GOT1: variants seen among roughly 807,000 people sequenced by gnomAD.
The protein encoded by GOT1 is glutamic-oxaloacetic transaminase 1.
GOT1 carries 25 observed loss-of-function variants against 48.2 expected under a neutral mutation model. That is an observed-to-expected ratio of 0.52 (90% CI 0.38 to 0.72). The LOEUF is 0.72. Among genes scored for constraint, GOT1 ranks in the 30% least tolerant of loss-of-function variants. The pLI is 0.00. For missense variants in GOT1, 380 were observed against 520.1 expected (o/e 0.73, Z 2.62); for synonymous variants, 188 against 193.8 (o/e 0.97, Z 0.25).
At chr10:99,418,059 A>ATAT (rs201912833) in intron 2 of GOT1, among the ~76,000 whole-genome samples, 10 of 145,128 alleles carry the variant, frequency 6.9e-5, no homozygotes, top group South Asian at 2.1e-4. Flanking sequence ...ATTAAAAAAA[A>ATAT]AAATATATAT....
At chr10:99,427,696 G>A (rs939328469) in intron 1 of GOT1, among the ~76,000 whole-genome samples, 1 of 152,194 alleles carries the variant, frequency 6.6e-6, no homozygotes, top group Non-Finnish European at 1.5e-5. Context: ...TGCTGGGCCT[G>A]TACCTAGGTC....
chr10:99,429,457 C>T (rs993457078), intron 1 of GOT1, among the ~76,000 whole-genome samples: 1 of 152,044 alleles, frequency 6.6e-6, no homozygotes, highest in African/African-American at 2.4e-5. Flanking sequence ...AATGATTCCA[C>T]CTTCTCTTTC....
At chr10:99,411,669 G>A (rs1300868691) in intron 2 of GOT1, among the ~76,000 whole-genome samples, 2 of 152,124 alleles carry the variant, frequency 1.3e-5, no homozygotes, top group Non-Finnish European at 2.9e-5. Context: ...TACATTTAGA[G>A]TCTGTTCCTC....
chr10:99,417,339 T>A (rs1235447297), intron 2 of GOT1, among the ~76,000 whole-genome samples: 1 of 152,190 alleles, frequency 6.6e-6, no homozygotes. Flanking sequence ...ATGCTCATCA[T>A]CACTGGCCAT....
intron 2 of GOT1, among the ~76,000 whole-genome samples, chr10:99,419,306 CTT>C (rs936766815): frequency 2.6e-5 from 4 of 152,180 alleles, no homozygotes; most frequent in African/African-American, 7.2e-5. Context: ...AATCTGAGCT[CTT>C]CTTTTTCCCA....
intron 2 of GOT1, among the ~76,000 whole-genome samples, chr10:99,413,950 T>C (rs1375873091): frequency 2.0e-5 from 3 of 152,048 alleles, no homozygotes; most frequent in Non-Finnish European, 4.4e-5. Flanking sequence ...GCACTAAATA[T>C]GGAAAGGAAC....
In GOT1 at chr10:99,408,907, C is replaced by A. The variant is rs141109949; in HGVS notation, c.301-2058G>T. Among the ~76,000 whole-genome samples, 166 of 152,030 alleles carry A rather than the reference C, an allele frequency of 1.1e-3. 1 individual carries two copies. The highest frequency in any genetic ancestry group is 4.6e-3 in the South Asian group (22 of 4,804). ...TCATAAAATTTTACAATTTCAAACA[C>A]CTATTTAGATGTCTGGGATTTACTA... is the stretch of plus-strand genomic sequence containing the variant. On this transcript the variant is annotated intron_variant, in intron 2 of 8. Transcript: ENST00000370508.
At chr10:99,418,745 T>G (rs1203158583) in intron 2 of GOT1, among the ~76,000 whole-genome samples, 2 of 152,164 alleles carry the variant, frequency 1.3e-5, no homozygotes, top group Admixed American at 1.3e-4. Flanking sequence ...TCAAGTAATC[T>G]GCCCACCTTG....
chr10:99,415,271 T>C (rs1259658959), intron 2 of GOT1, among the ~76,000 whole-genome samples: 1 of 151,976 alleles, frequency 6.6e-6, no homozygotes, highest in East Asian at 1.9e-4. Context: ...TCACCACCGA[T>C]CCCACAGAAA....
At position 99,420,815 on chromosome 10, in the gene GOT1, G is replaced by A. The variant is rs1183953334; in HGVS notation, c.119-10C>T. On this transcript the variant is annotated splice_polypyrimidine_tract_variant and intron_variant, in intron 1 of 8. Transcript: ENST00000370508. ...TCATCCGTGCGATATGCTGGAGAAT[G>A]GAAAAGAGTTATACATAGTGGAGGC... 6.2e-7 allele frequency: 1 copy of A among 1,609,578 alleles called. No homozygotes were observed. Among genetic ancestry groups the A allele is most frequent in the African/African-American group, 1.3e-5 (1 of 74,972 alleles).
rs142078304 is a variant in GOT1 at position 99,419,498 on chromosome 10, T to C, written c.300+1126A>G. 6.8e-3 allele frequency among the ~76,000 whole-genome samples: 1,035 copies of C among 152,288 alleles called. 8 individuals carry two copies. Among genetic ancestry groups the C allele is most frequent in the Admixed American group, 0.012 (186 of 15,286 alleles). On this transcript the variant is annotated intron_variant, in intron 2 of 8. Transcript: ENST00000370508. ...AAGCTAGACCTGCTTAGCTCTTGCC[T>C]CTGTCCCTGGACTCCTACCATGCAA...
intron 5 of GOT1, 126 bp downstream of exon 5, chr10:99,405,630 A>G: frequency 1.6e-6 from 1 of 617,988 alleles, no homozygotes; most frequent in South Asian, 2.0e-5. Flanking sequence ...GTTAATACTT[A>G]TTTTCTTCTT....
chr10:99,420,870 A>G, intron 1 of GOT1, 65 bp from the exon 2 acceptor site: 1 of 1,294,320 alleles, frequency 7.7e-7, no homozygotes, highest in South Asian at 1.4e-5. Context: ...AGAGTTTGTA[A>G]CTGTGAACCA....
chr10:99,418,359 A>C (rs1446870653), intron 2 of GOT1, among the ~76,000 whole-genome samples: 5 of 152,174 alleles, frequency 3.3e-5, no homozygotes, highest in Non-Finnish European at 7.3e-5. Flanking sequence ...ATAGTTAACA[A>C]CTATATAAGA....
intron 5 of GOT1, 129 bp downstream of exon 5, chr10:99,405,627 C>T (rs2032745466): frequency 5.2e-6 from 3 of 579,348 alleles, no homozygotes; most frequent in South Asian, 2.1e-5. Flanking sequence ...ACAGTTAATA[C>T]TTATTTTCTT....
intron 2 of GOT1, among the ~76,000 whole-genome samples, chr10:99,414,680 C>T (rs535246574): frequency 1.3e-5 from 2 of 152,248 alleles, no homozygotes; most frequent in Admixed American, 1.3e-4. Flanking sequence ...AAATTGACCA[C>T]ATAGTTGGAA....
chr10:99,412,335 C>T (rs1261049108), intron 2 of GOT1, among the ~76,000 whole-genome samples: 1 of 136,880 alleles, frequency 7.3e-6, no homozygotes, highest in Non-Finnish European at 1.6e-5. Flanking sequence ...GAGCTATGGG[C>T]GGTGGGGGTG....
In GOT1 at chr10:99,401,549, C is replaced by A. The variant is rs149412102; in HGVS notation, c.1102+1031G>T. ...TTACTAAAGAAATGACGCCTGTAAT[C>A]TCAGCTACTCGGGAGGCTGAGGCAG... On this transcript the variant is annotated intron_variant, in intron 8 of 8. Transcript: ENST00000370508. 8.2e-3 allele frequency among the ~76,000 whole-genome samples: 1,251 copies of A among 152,062 alleles called. 17 individuals carry two copies. Among genetic ancestry groups the A allele is most frequent in the African/African-American group, 0.028 (1,172 of 41,512 alleles).
intron 1 of GOT1, among the ~76,000 whole-genome samples, chr10:99,423,791 G>T (rs1564974793): frequency 6.6e-6 from 1 of 152,014 alleles, no homozygotes; most frequent in Non-Finnish European, 1.5e-5. Context: ...TGAGACCAAA[G>T]TCATTCACCA....
Sources: allele counts gnomAD v4.1 joint callset (sites outside exome capture counted in the v4.1 genomes callset), GRCh38; gene constraint gnomAD v4.1.1; transcripts MANE v1.5; gene names NCBI Gene and HGNC (gene_info 2026-07-23, HGNC 2026-07-21).